TF: variants seen among roughly 807,000 people sequenced by gnomAD.
TF encodes the protein transferrin, also known as serotransferrin.
Under a neutral mutation model 82.4 loss-of-function variants are expected in TF, and 55 were observed. The ratio of observed to expected loss-of-function variants is 0.67; its 90% CI spans 0.54 to 0.84. The LOEUF (loss-of-function observed/expected upper bound fraction) is 0.84. TF is among the 40% of genes least tolerant of loss of function. The pLI is 0.00. For synonymous variants in TF, 332 were observed against 332.6 expected (o/e 1.00, Z 0.02); for missense variants, 737 against 868.4 (o/e 0.85, Z 1.90).
intron 11 of TF, among the ~76,000 whole-genome samples, chr3:133,765,529 A>G (rs1391153498): frequency 6.6e-6 from 1 of 152,182 alleles, no homozygotes; most frequent in African/African-American, 2.4e-5. Context: ...CCTGCAGGTC[A>G]CATTCCAGAC....
In TF at chr3:133,777,046, C is replaced by T. The variant is rs753624471; in HGVS notation, c.1873-3C>T. On this transcript the variant is annotated splice_polypyrimidine_tract_variant and splice_region_variant and intron_variant, in intron 15 of 16. Coordinates refer to ENST00000402696, the MANE Select transcript of TF (RefSeq NM_001063.4). Reference sequence around the variant, plus strand: ...CCTCACGGACTTTCTGTTCACTTGACAGCACCTATTTGGAAGCAACGTAAC... The same window carrying T: ...CCTCACGGACTTTCTGTTCACTTGATAGCACCTATTTGGAAGCAACGTAAC... 3.7e-6 allele frequency: 6 copies of T among 1,614,116 alleles called. No individual in the cohort carries two copies. Among genetic ancestry groups the T allele is most frequent in the South Asian group, 1.1e-5 (1 of 91,084 alleles).
chr3:133,773,212 G>C (rs1457097743), intron 14 of TF: 4 of 151,632 alleles, frequency 2.6e-5, no homozygotes, highest in Non-Finnish European at 5.9e-5. Context: ...TGCTAGGCTG[G>C]AGTGCAGTGA....
the TF span, among the ~76,000 whole-genome samples, chr3:133,712,285 T>G: frequency 6.6e-6 from 1 of 152,156 alleles, no homozygotes; most frequent in Non-Finnish European, 1.5e-5. Flanking sequence ...CTTGAAGCTG[T>G]GATGGCACAC....
At chr3:133,689,624 C>T in the TF span, among the ~76,000 whole-genome samples, 2 of 152,042 alleles carry the variant, frequency 1.3e-5, no homozygotes, top group Admixed American at 6.5e-5. Context: ...CTGAGTCCTA[C>T]CTAAAACTAT....
chr3:133,715,433 A>G, the TF span, among the ~76,000 whole-genome samples: 1 of 152,170 alleles, frequency 6.6e-6, no homozygotes, highest in African/African-American at 2.4e-5. Flanking sequence ...GCACCGGTTC[A>G]GGATTGTTGC....
chr3:133,678,487 A>G, the TF span, among the ~76,000 whole-genome samples: 1 of 152,226 alleles, frequency 6.6e-6, no homozygotes, highest in South Asian at 2.1e-4. Context: ...ACAGTGTAAA[A>G]GCATTCCTAT....
At chr3:133,735,741 A>G in the TF span, among the ~76,000 whole-genome samples, 1 of 152,218 alleles carries the variant, frequency 6.6e-6, no homozygotes, top group African/African-American at 2.4e-5. Flanking sequence ...TAAAGCATGA[A>G]GACAAGATTA....
At chr3:133,723,843 C>A in the TF span, among the ~76,000 whole-genome samples, 2 of 151,412 alleles carry the variant, frequency 1.3e-5, no homozygotes, top group Non-Finnish European at 2.9e-5. Flanking sequence ...GTATGATGTT[C>A]CCCTTCCTGT....
intron 2 of TF, among the ~76,000 whole-genome samples, chr3:133,751,003 T>C (rs1298193631): frequency 6.6e-6 from 1 of 152,144 alleles, no homozygotes; most frequent in Non-Finnish European, 1.5e-5. Context: ...GAAAGGCCCA[T>C]GATGTCTGTT....
the TF span, among the ~76,000 whole-genome samples, chr3:133,679,375 CAGTT>C: frequency 6.6e-6 from 1 of 152,198 alleles, no homozygotes; most frequent in African/African-American, 2.4e-5. Context: ...ACTATGCACT[CAGTT>C]AAAGTATACA....
intron 13 of TF, among the ~76,000 whole-genome samples, chr3:133,768,944 C>T (rs535713470): frequency 6.6e-5 from 10 of 152,100 alleles, no homozygotes; most frequent in African/African-American, 2.4e-4. Flanking sequence ...AGGCATGCAC[C>T]ATCACACCCA....
Position 133,792,561 on chromosome 3 carries a change from C to T in TF, c.*13941C>T, listed in dbSNP as rs1934867589. ...TCCACAACTAATATATAATTAAAAT[C>T]CTTAACTTACCAAAGTTTTCACCAA... On this transcript the variant is annotated 3_prime_UTR_variant, in exon 17 of 17. Coordinates refer to ENST00000402696, the MANE Select transcript of TF (RefSeq NM_001063.4). 1 of 152,140 alleles carries T rather than the reference C, an allele frequency of 6.6e-6. No individual in the cohort carries two copies. 9.4% of individuals were successfully genotyped at this position (152,140 alleles called of 1,614,324 possible).
Position 133,788,255 on chromosome 3 carries a change from A to G in TF, c.*9635A>G, listed in dbSNP as rs750772191. On this transcript the variant is annotated 3_prime_UTR_variant, in exon 17 of 17. Coordinates refer to ENST00000402696, the MANE Select transcript of TF (RefSeq NM_001063.4). The stretch of plus-strand genomic sequence containing the variant: ...CATCCTCTCCATTTACATAGGGCGT[A>G]CATCAAGTAAATGACTAGGGTGTAT... The G allele has an allele frequency of 2.0e-5, 3 of 152,242 alleles. No individual in the cohort carries two copies. The highest frequency in any genetic ancestry group is 4.4e-5 in the Non-Finnish European group (3 of 68,040). The allele number at this position is 152,242 out of a possible 1,614,324, so 9.4% of individuals were successfully genotyped here.
At chr3:133,765,047 A>G in intron 11 of TF, 140 bp downstream of exon 11, 1 of 837,790 alleles carries the variant, frequency 1.2e-6, no homozygotes, top group Non-Finnish European at 2.0e-6. Context: ...GAAGGATAGT[A>G]ATGGATAATG....
intron 14 of TF, 122 bp from the exon 15 acceptor site, chr3:133,775,310 AG>A: frequency 1.1e-6 from 1 of 942,254 alleles, no homozygotes; most frequent in Non-Finnish European, 1.7e-6. Flanking sequence ...CTGTAACCCC[AG>A]TGTGGGCACT....
At chr3:133,701,595 C>A in the TF span, among the ~76,000 whole-genome samples, 32 of 152,320 alleles carry the variant, frequency 2.1e-4, no homozygotes, top group African/African-American at 7.5e-4. Context: ...GAACTCGTGA[C>A]TGCCAAGTGG....
chr3:133,743,169 A>ATG (rs1299663943), upstream of TF, among the ~76,000 whole-genome samples: 6 of 152,306 alleles, frequency 3.9e-5, no homozygotes, highest in East Asian at 1.2e-3. Flanking sequence ...TTTGACTGTA[A>ATG]TGACCACATG....
At chr3:133,664,059 G>A in the TF span, among the ~76,000 whole-genome samples, 2 of 152,114 alleles carry the variant, frequency 1.3e-5, no homozygotes, top group African/African-American at 2.4e-5. Flanking sequence ...CAGCAGCATC[G>A]GCATCTCCTG....
Position 133,783,459 on chromosome 3 carries a change from G to A in TF, c.*4839G>A, listed in dbSNP as rs1215257093. ...CGGTTAAAGTAAAAACTTTCGAAAC[G>A]TATAAAGGTTTAAATATAAAATTAA... On this transcript the variant is annotated 3_prime_UTR_variant, in exon 17 of 17. Coordinates refer to ENST00000402696, the MANE Select transcript of TF (RefSeq NM_001063.4). The A allele has an allele frequency of 6.6e-6, 1 of 152,062 alleles. No individual in the cohort carries two copies. The highest frequency in any genetic ancestry group is 1.5e-5 in the Non-Finnish European group (1 of 68,008). The allele number at this position is 152,062 out of a possible 1,614,324, so 9.4% of individuals were successfully genotyped here. A position where few individuals can be genotyped will look rare whatever the true frequency, so the allele number is the denominator to read the frequency against.
Sources: allele counts gnomAD v4.1 joint callset (sites outside exome capture counted in the v4.1 genomes callset), GRCh38; gene constraint gnomAD v4.1.1; transcripts MANE v1.5; gene names NCBI Gene and HGNC (gene_info 2026-07-23, HGNC 2026-07-21).